The following FARP1 variants were observed in gnomAD, a reference collection of about 807,000 sequenced individuals.
FARP1 encodes the protein FERM, ARHGEF and pleckstrin domain-containing protein 1.
FARP1 carries 52 observed loss-of-function variants against 128.8 expected under a neutral mutation model. That is an observed-to-expected ratio of 0.40 (90% CI 0.32 to 0.51). FARP1 has a LOEUF of 0.51. FARP1 is among the 20% of genes least tolerant of loss of function. The pLI is 0.45. For synonymous variants in FARP1, 580 were observed against 551.8 expected, an observed-to-expected ratio of 1.05 and a Z score of -0.72; for missense variants, 1,333 against 1,367.9, an observed-to-expected ratio of 0.97 and a Z score of 0.40.
At chr13:98,381,092 T>C (rs904218645) in intron 6 of FARP1, among the ~76,000 whole-genome samples, 39 of 152,096 alleles carry the variant, frequency 2.6e-4, no homozygotes, top group African/African-American at 8.5e-4. Context: ...GGCAAATAGA[T>C]GGGATGAGAA....
At chr13:98,261,565 A>G (rs1042893201) in intron 2 of FARP1, among the ~76,000 whole-genome samples, 4 of 150,708 alleles carry the variant, frequency 2.7e-5, no homozygotes, top group African/African-American at 9.8e-5. Context: ...CTTTGAATAC[A>G]ATGGGAAGGG....
intron 2 of FARP1, among the ~76,000 whole-genome samples, chr13:98,280,460 G>C (rs1884879537): frequency 6.6e-6 from 1 of 152,176 alleles, no homozygotes; most frequent in African/African-American, 2.4e-5. Context: ...CCCTTCTTTA[G>C]GTGTCCTTCC....
In FARP1 at chr13:98,265,311, A is replaced by ATTTTTTTTTTT. The variant is rs60809416; in HGVS notation, c.171+51914_171+51924dup. Among the ~76,000 whole-genome samples the ATTTTTTTTTTT allele has an allele frequency of 8.6e-4, 52 of 60,266 alleles. 7 individuals are homozygous for ATTTTTTTTTTT. Among genetic ancestry groups the ATTTTTTTTTTT allele is most frequent in the African/African-American group, 3.8e-3 (48 of 12,746 alleles). The allele number at this position is 60,266 out of a possible 152,430, so 39.5% of individuals were successfully genotyped here. A position where few individuals can be genotyped will look rare whatever the true frequency, so the allele number is the denominator to read the frequency against. On this transcript the variant is annotated intron_variant, in intron 2 of 26. Transcript: ENST00000319562. The stretch of plus-strand genomic sequence containing the variant: ...ACCCACCCACACCCCTCCTTCCTGA[A>ATTTTTTTTTTT]TTTTTTTTTTTTTTTTTTTTTTTTT...
At chr13:98,436,734 G>A (rs1001242996) in intron 19 of FARP1, among the ~76,000 whole-genome samples, 11 of 152,190 alleles carry the variant, frequency 7.2e-5, no homozygotes, top group African/African-American at 2.7e-4. Context: ...AGCTGGGATG[G>A]CCTCAGCTCT....
intron 2 of FARP1, among the ~76,000 whole-genome samples, chr13:98,298,574 G>A (rs1035654092): frequency 6.6e-6 from 1 of 152,000 alleles, no homozygotes; most frequent in African/African-American, 2.4e-5. Flanking sequence ...TGTTTGCTCT[G>A]CCAGCTGTTC....
chr13:98,202,990 G>T (rs191218316), intron 1 of FARP1, among the ~76,000 whole-genome samples: 8 of 152,288 alleles, frequency 5.3e-5, no homozygotes, highest in Admixed American at 1.3e-4. Flanking sequence ...AAAATGTTGG[G>T]ATTACAGGCA....
intron 1 of FARP1, among the ~76,000 whole-genome samples, chr13:98,174,116 T>C (rs1213870280): frequency 2.6e-5 from 4 of 152,256 alleles, no homozygotes; most frequent in Non-Finnish European, 5.9e-5. Context: ...GCCAAAATGC[T>C]AGCAGATTTT....
chr13:98,148,955 C>T lies in FARP1; in HGVS notation c.-24+5463C>T, dbSNP rs950478654. 3.3e-5 allele frequency among the ~76,000 whole-genome samples: 5 copies of T among 151,774 alleles called. No homozygotes were observed. In the East Asian group the frequency reaches 9.7e-4, roughly 29 times the overall value. On this transcript the variant is annotated intron_variant, in intron 1 of 26. Transcript: ENST00000319562. The stretch of plus-strand genomic sequence containing the variant: ...AGGCTGGAGTGCGGTGGCATGATCT[C>T]GGCTCACTGCAGCCTCAACTTCCTG...
intron 1 of FARP1, among the ~76,000 whole-genome samples, chr13:98,182,016 C>T (rs1878566692): frequency 6.6e-6 from 1 of 152,034 alleles, no homozygotes; most frequent in South Asian, 2.1e-4. Context: ...ATAATAAATA[C>T]TAAGAGATTA....
chr13:98,241,833 C>T (rs1272691881), intron 2 of FARP1, among the ~76,000 whole-genome samples: 2 of 152,064 alleles, frequency 1.3e-5, no homozygotes, highest in Admixed American at 6.6e-5. Context: ...GCAGGAGAAT[C>T]GCTTGAACCC....
Position 98,446,217 on chromosome 13 carries a change from G to A in FARP1, c.2904+12G>A, listed in dbSNP as rs112867870. The A allele has an allele frequency of 7.6e-6, 12 of 1,572,836 alleles. No homozygotes were observed. The highest frequency in any genetic ancestry group is 1.0e-5 in the Non-Finnish European group (12 of 1,143,298). On this transcript the variant is annotated intron_variant, in intron 25 of 26. Coordinates refer to ENST00000319562, the MANE Select transcript of FARP1 (RefSeq NM_005766.4). ...ACAAATCACACCAGGTAAGTGTCTC[G>A]CACAGGGCAGGTGGCCCTGGGACCT...
At chr13:98,175,321 GGA>G (rs1381287354) in intron 1 of FARP1, among the ~76,000 whole-genome samples, 1 of 152,014 alleles carries the variant, frequency 6.6e-6, no homozygotes, top group Non-Finnish European at 1.5e-5. Flanking sequence ...CCATTTTAAG[GGA>G]GAGGATGTTA....
Position 98,439,967 on chromosome 13 carries a change from G to C in FARP1, c.2440G>C (p.Glu814Gln), listed in dbSNP as rs750319515. Residue 814 changes from glutamate to glutamine, a missense_variant, in exon 22 of 27, where the codon GAG (glutamate) becomes CAG (glutamine). Glu to Gln is a conservative substitution (Grantham distance 29, BLOSUM62 2). Transcript: ENST00000319562. Reference protein sequence around the residue: ...QLPLYGMTIEESEDEWGVPHC... With the variant: ...QLPLYGMTIEQSEDEWGVPHC... ...TATCTTCTCTTGCCCACAGATTGAGGAGAGCGAAGACGAGTGGGGGGTGCC... is the reference window on the plus strand; with the variant it reads ...TATCTTCTCTTGCCCACAGATTGAGCAGAGCGAAGACGAGTGGGGGGTGCC... 1 of 1,573,572 alleles carries C rather than the reference G, an allele frequency of 6.4e-7. No individual in the cohort carries two copies. Among genetic ancestry groups the C allele is most frequent in the South Asian group, 1.2e-5 (1 of 86,328 alleles).
chr13:98,323,700 A>G, intron 2 of FARP1, among the ~76,000 whole-genome samples: 1 of 151,500 alleles, frequency 6.6e-6, no homozygotes, highest in Admixed American at 6.5e-5. Context: ...AAAGGAGAGC[A>G]GAAAGACAGA....
chr13:98,409,695 G>A (rs373180653), intron 14 of FARP1, among the ~76,000 whole-genome samples, 170 bp downstream of exon 14: 10 of 152,148 alleles, frequency 6.6e-5, no homozygotes, highest in South Asian at 2.1e-4. Flanking sequence ...CCACTGTCCC[G>A]ACCATCCATC....
At chr13:98,269,962 G>A (rs1364713223) in intron 2 of FARP1, among the ~76,000 whole-genome samples, 10 of 152,128 alleles carry the variant, frequency 6.6e-5, no homozygotes, top group Non-Finnish European at 1.2e-4. Flanking sequence ...AAAATTAGCC[G>A]GGCTTGGTAG....
intron 24 of FARP1, among the ~76,000 whole-genome samples, chr13:98,444,111 C>T (rs989656259): frequency 1.2e-4 from 18 of 151,666 alleles, no homozygotes; most frequent in Admixed American, 7.2e-4. Flanking sequence ...GTCTTCTTCT[C>T]GGGGGGTCCC....
At chr13:98,178,156 G>T (rs1276999198) in intron 1 of FARP1, among the ~76,000 whole-genome samples, 2 of 150,522 alleles carry the variant, frequency 1.3e-5, no homozygotes, top group Non-Finnish European at 2.9e-5. Flanking sequence ...CCCTCCACAC[G>T]CCAATTCCTG....
rs956990684 is a variant in FARP1, at chr13:98,454,176, C to T, written c.*5859C>T. The T allele has an allele frequency of 6.6e-6, 1 of 152,152 alleles. No individual in the cohort carries two copies. Among genetic ancestry groups the T allele is most frequent in the African/African-American group, 2.4e-5 (1 of 41,406 alleles). 9.4% of individuals were successfully genotyped at this position (152,152 alleles called of 1,614,324 possible). A position where few individuals can be genotyped will look rare whatever the true frequency, so the allele number is the denominator to read the frequency against. ...TAAGAGAATTCAGTAAGTTTATGAC[C>T]TGGTATGACAACAGAAGGCAATGCA... On this transcript the variant is annotated 3_prime_UTR_variant, in exon 27 of 27. Coordinates refer to ENST00000319562, the MANE Select transcript of FARP1 (RefSeq NM_005766.4).
Sources: allele counts gnomAD v4.1 joint callset (sites outside exome capture counted in the v4.1 genomes callset), GRCh38; gene constraint gnomAD v4.1.1; transcripts MANE v1.5; gene names NCBI Gene and HGNC (gene_info 2026-07-23, HGNC 2026-07-21).